RAB3IP: variants seen among roughly 807,000 people sequenced by gnomAD.
The protein encoded by RAB3IP is RAB3A interacting protein, also known as rab-3A-interacting protein.
Under a neutral mutation model 59.1 loss-of-function variants are expected in RAB3IP, and 36 were observed. The observed-to-expected ratio is 0.61, with a 90% CI of 0.47 to 0.80. The LOEUF is 0.80. Among genes scored for constraint, RAB3IP ranks in the 30% least tolerant of loss-of-function variants. The pLI, the probability that RAB3IP is intolerant of heterozygous loss-of-function variation, is 0.00. For missense variants in RAB3IP, 511 were observed against 536.0 expected (o/e 0.95, Z 0.46); for synonymous variants, 207 against 191.2 (o/e 1.08, Z -0.68).
chr12:69,762,574 G>T (rs1227550076), intron 3 of RAB3IP, among the ~76,000 whole-genome samples: 1 of 152,070 alleles, frequency 6.6e-6, no homozygotes, highest in South Asian at 2.1e-4. Context: ...TGGCTAACAC[G>T]GTGAAACCGC....
intron 4 of RAB3IP, among the ~76,000 whole-genome samples, chr12:69,792,903 A>G (rs1415594008): frequency 2.0e-5 from 3 of 152,222 alleles, no homozygotes; most frequent in African/African-American, 7.2e-5. Context: ...TACAAATTGC[A>G]TAATCCACTA....
intron 3 of RAB3IP, among the ~76,000 whole-genome samples, chr12:69,760,153 G>A (rs377378249): frequency 9.8e-5 from 15 of 152,358 alleles, no homozygotes; most frequent in African/African-American, 2.6e-4. Flanking sequence ...CGAGGCTGGC[G>A]GATCACTCAC....
At chr12:69,810,468 G>A (rs560992040) in intron 8 of RAB3IP, among the ~76,000 whole-genome samples, 43 of 152,320 alleles carry the variant, frequency 2.8e-4, no homozygotes, top group African/African-American at 9.1e-4. Context: ...TGTGGCTCAC[G>A]CTGGGAGCTG....
intron 8 of RAB3IP, among the ~76,000 whole-genome samples, chr12:69,810,483 C>G (rs1880263715): frequency 6.6e-6 from 1 of 152,182 alleles, no homozygotes; most frequent in East Asian, 1.9e-4. Context: ...GAGCTGTAGA[C>G]TGGAGCTGTT....
chr12:69,797,103 G>A lies in RAB3IP; in HGVS notation c.888+1759G>A, dbSNP rs577773388. On this transcript the variant is annotated intron_variant, in intron 6 of 10. Coordinates refer to ENST00000247833, the MANE Select transcript of RAB3IP (RefSeq NM_022456.5). ...ATGTAACAATCTGGAAGAAAATTAA[G>A]CATGTCCGTGTTTTTGTAGAAAATA... 3.5e-4 allele frequency among the ~76,000 whole-genome samples: 53 copies of A among 152,188 alleles called. 1 individual carries two copies. The highest frequency in any genetic ancestry group is 1.5e-5 in the Non-Finnish European group (1 of 68,036).
chr12:69,766,388 A>T (rs751459346), intron 3 of RAB3IP, among the ~76,000 whole-genome samples: 2 of 151,964 alleles, frequency 1.3e-5, no homozygotes, highest in Non-Finnish European at 2.9e-5. Flanking sequence ...GACCAGGTTA[A>T]TTCCAAAGAC....
intron 3 of RAB3IP, among the ~76,000 whole-genome samples, chr12:69,764,303 CTT>C (rs1344223229): frequency 1.3e-5 from 2 of 152,146 alleles, no homozygotes; most frequent in East Asian, 3.9e-4. Flanking sequence ...TTTAATCTAT[CTT>C]AATTTTTGTA....
chr12:69,806,870 A>G (rs905106654), intron 8 of RAB3IP, among the ~76,000 whole-genome samples: 1 of 152,150 alleles, frequency 6.6e-6, no homozygotes, highest in East Asian at 1.9e-4. Flanking sequence ...GACACAGCAC[A>G]TGTTTCAGAG....
intron 3 of RAB3IP, among the ~76,000 whole-genome samples, chr12:69,771,518 C>A (rs1873110375): frequency 6.9e-6 from 1 of 145,828 alleles, no homozygotes; most frequent in African/African-American, 2.5e-5. Flanking sequence ...CAGAGTGAGA[C>A]CCTGTCTCCA....
chr12:69,767,518 G>C (rs1872412456), intron 3 of RAB3IP, among the ~76,000 whole-genome samples: 1 of 152,226 alleles, frequency 6.6e-6, no homozygotes, highest in Non-Finnish European at 1.5e-5. Context: ...TGAATCCAAT[G>C]GGCGGCCACC....
intron 3 of RAB3IP, among the ~76,000 whole-genome samples, chr12:69,782,155 T>G (rs1273478750): frequency 2.0e-5 from 3 of 152,054 alleles, no homozygotes; most frequent in African/African-American, 7.2e-5. Context: ...GGGTATCTCA[T>G]TGTTTTTTTG....
chr12:69,805,460 C>A (rs960131929), intron 8 of RAB3IP, among the ~76,000 whole-genome samples: 2 of 152,172 alleles, frequency 1.3e-5, no homozygotes, highest in Non-Finnish European at 2.9e-5. Context: ...AATTTGACTT[C>A]CTCTTTTCCT....
Position 69,756,679 on chromosome 12 carries a change from T to C in RAB3IP, c.510+16T>C, listed in dbSNP as rs769821485. 4.4e-6 allele frequency: 7 copies of C among 1,596,860 alleles called. No individual in the cohort carries two copies. The highest frequency in any genetic ancestry group is 2.2e-5 in the East Asian group (1 of 44,800). On this transcript the variant is annotated intron_variant, in intron 3 of 10. Coordinates refer to ENST00000247833, the MANE Select transcript of RAB3IP (RefSeq NM_022456.5). ...AGCTCAGAGGGTAAGAAAGAAGATA[T>C]TTTATTCTTCCATATATTATATTAG...
At chr12:69,745,249 T>C (rs1034799623) in intron 1 of RAB3IP, among the ~76,000 whole-genome samples, 3 of 152,204 alleles carry the variant, frequency 2.0e-5, no homozygotes, top group Non-Finnish European at 2.9e-5. Context: ...GCAGTACTTT[T>C]ACAAACTTTG....
chr12:69,804,523 G>T lies in RAB3IP; in HGVS notation c.1130+2802G>T, dbSNP rs555899772. ...AATTAGATCCCATTTGTCAATTTTG[G>T]CTTTTGTTGCCATTGCTTTTGGTGT... On this transcript the variant is annotated intron_variant, in intron 8 of 10. Transcript: ENST00000247833. Among the ~76,000 whole-genome samples, 1,369 of 152,218 alleles carry T rather than the reference G, an allele frequency of 9.0e-3. 20 individuals carry two copies. Among genetic ancestry groups the T allele is most frequent in the African/African-American group, 0.03 (1,247 of 41,526 alleles).
chr12:69,805,421 G>T (rs796736640), intron 8 of RAB3IP, among the ~76,000 whole-genome samples: 1 of 152,110 alleles, frequency 6.6e-6, no homozygotes, highest in South Asian at 2.1e-4. Flanking sequence ...TTTTCTATGT[G>T]TACAATCATG....
At chr12:69,739,820 G>T in intron 1 of RAB3IP, 1 of 1,613,876 alleles carries the variant, frequency 6.2e-7, no homozygotes, top group Non-Finnish European at 8.5e-7. Flanking sequence ...GGTGGAAGTC[G>T]CAGCATGTGA....
intron 3 of RAB3IP, among the ~76,000 whole-genome samples, chr12:69,760,007 A>C (rs1238872279): frequency 6.6e-6 from 1 of 152,100 alleles, no homozygotes; most frequent in Non-Finnish European, 1.5e-5. Context: ...CAATCTCGTC[A>C]CTTTGGGAGG....
chr12:69,766,051 T>G (rs890981691), intron 3 of RAB3IP, among the ~76,000 whole-genome samples: 3 of 152,226 alleles, frequency 2.0e-5, no homozygotes, highest in Admixed American at 6.5e-5. Flanking sequence ...TTATGTAATC[T>G]AACCTTTTTC....
Sources: gnomAD v4.1 joint callset for allele counts (sites outside exome capture counted in the v4.1 genomes callset) on GRCh38, gnomAD v4.1.1 for gene constraint, MANE v1.5 for transcripts, NCBI Gene and HGNC (gene_info 2026-07-23, HGNC 2026-07-21) for gene names.